KCNIP1: variants seen among roughly 807,000 people sequenced by gnomAD.
The protein encoded by KCNIP1 is potassium voltage-gated channel interacting protein 1.
Under a neutral mutation model 33.0 loss-of-function variants are expected in KCNIP1, and 18 were observed. The observed-to-expected ratio is 0.55, with a 90% CI of 0.38 to 0.81. The LOEUF is 0.81. KCNIP1 is among the 30% of genes least tolerant of loss of function. KCNIP1 has a pLI of 0.00. For missense variants in KCNIP1, 238 were observed against 271.6 expected, an observed-to-expected ratio of 0.88 and a Z score of 0.87; for synonymous variants, 93 against 98.3, an observed-to-expected ratio of 0.95 and a Z score of 0.32.
chr5:170,696,611 T>A (rs1173681175), intron 1 of KCNIP1, among the ~76,000 whole-genome samples: 1 of 152,026 alleles, frequency 6.6e-6, no homozygotes, highest in African/African-American at 2.4e-5. Context: ...GTAGTCCAGA[T>A]AAACAGAGCC....
intron 5 of KCNIP1, among the ~76,000 whole-genome samples, chr5:170,727,770 C>T (rs1481566477): frequency 6.6e-6 from 1 of 151,998 alleles, no homozygotes; most frequent in Admixed American, 6.6e-5. Context: ...GAGCCTGTCT[C>T]TTCAAAACAA....
At chr5:170,507,514 T>C (rs1252688750) in intron 1 of KCNIP1, among the ~76,000 whole-genome samples, 1 of 152,174 alleles carries the variant, frequency 6.6e-6, no homozygotes, top group Non-Finnish European at 1.5e-5. Context: ...AGCTCATTTC[T>C]GGAAACCTTA....
At chr5:170,684,032 C>T (rs553159174) in intron 1 of KCNIP1, among the ~76,000 whole-genome samples, 2 of 152,182 alleles carry the variant, frequency 1.3e-5, no homozygotes, top group East Asian at 3.9e-4. Flanking sequence ...GCTGGGATTA[C>T]AGGCATGAGC....
At chr5:170,458,644 A>G (rs971951455) in intron 1 of KCNIP1, among the ~76,000 whole-genome samples, 2 of 152,230 alleles carry the variant, frequency 1.3e-5, no homozygotes, top group Non-Finnish European at 2.9e-5. Context: ...AGATAAACAA[A>G]TGCTGAGAGA....
Position 170,557,605 on chromosome 5 carries a change from G to A in KCNIP1, c.61+52972G>A, listed in dbSNP as rs149191494. 6.1e-3 allele frequency among the ~76,000 whole-genome samples: 924 copies of A among 152,286 alleles called. 15 individuals are homozygous for A. Among genetic ancestry groups the A allele is most frequent in the African/African-American group, 0.021 (864 of 41,566 alleles). On this transcript the variant is annotated intron_variant, in intron 1 of 7. Coordinates refer to ENST00000328939, the MANE Select transcript of KCNIP1 (RefSeq NM_014592.4). The stretch of plus-strand genomic sequence containing the variant: ...AGGATGGTCAGATAGTGCCAGTGGA[G>A]AGCAGGGAAGGCCTCGTGGACAACA...
At chr5:170,379,813 G>A (rs1019859447) in intron 1 of KCNIP1, among the ~76,000 whole-genome samples, 1 of 152,024 alleles carries the variant, frequency 6.6e-6, no homozygotes, top group East Asian at 1.9e-4. Flanking sequence ...ATCCAGGTGG[G>A]CATGGTGGTG....
intron 1 of KCNIP1, among the ~76,000 whole-genome samples, chr5:170,647,847 G>A (rs1251965933): frequency 3.3e-5 from 5 of 152,062 alleles, no homozygotes; most frequent in Non-Finnish European, 7.4e-5. Context: ...ATAAGCCACA[G>A]ACTGGGAAAA....
chr5:170,365,528 G>A (rs760909123), intron 1 of KCNIP1, among the ~76,000 whole-genome samples: 4 of 152,180 alleles, frequency 2.6e-5, no homozygotes, highest in African/African-American at 7.2e-5. Context: ...GGAACCTGCC[G>A]CTGGGAAAGG....
intron 1 of KCNIP1, among the ~76,000 whole-genome samples, chr5:170,490,242 C>T (rs1273643147): frequency 6.6e-6 from 1 of 152,236 alleles, no homozygotes; most frequent in Non-Finnish European, 1.5e-5. Context: ...CTACTTTGTT[C>T]TAAGGCCTCT....
At position 170,597,446 on chromosome 5, in the gene KCNIP1, G is replaced by T. The variant is rs77499207; in HGVS notation, c.61+92813G>T. Reference sequence around the variant, plus strand: ...CCTTTATCTGTGCTTGCAAAGAGGCGTCTCCCTCCATGCCAGCCAACCCAC... The same window carrying T: ...CCTTTATCTGTGCTTGCAAAGAGGCTTCTCCCTCCATGCCAGCCAACCCAC... On this transcript the variant is annotated intron_variant, in intron 1 of 7. Coordinates refer to ENST00000328939, the MANE Select transcript of KCNIP1 (RefSeq NM_014592.4). 9.9e-3 allele frequency among the ~76,000 whole-genome samples: 1,500 copies of T among 152,104 alleles called. 25 individuals carry two copies. The highest frequency in any genetic ancestry group is 0.034 in the African/African-American group (1,400 of 41,438).
At chr5:170,540,638 C>A (rs1756164970) in intron 1 of KCNIP1, among the ~76,000 whole-genome samples, 1 of 152,190 alleles carries the variant, frequency 6.6e-6, no homozygotes, top group Non-Finnish European at 1.5e-5. Context: ...ATGCAGGATG[C>A]ACTGTGGCCC....
At chr5:170,518,971 G>A (rs1376522108) in intron 1 of KCNIP1, among the ~76,000 whole-genome samples, 1 of 152,178 alleles carries the variant, frequency 6.6e-6, no homozygotes, top group Non-Finnish European at 1.5e-5. Context: ...GATTACAGAA[G>A]TGATTTCAGG....
At chr5:170,577,900 G>A (rs957114329) in intron 1 of KCNIP1, among the ~76,000 whole-genome samples, 2 of 152,124 alleles carry the variant, frequency 1.3e-5, no homozygotes, top group Admixed American at 6.5e-5. Flanking sequence ...TCCATGTGAC[G>A]AATTTTTTAA....
intron 1 of KCNIP1, among the ~76,000 whole-genome samples, chr5:170,620,755 G>A (rs1759569889): frequency 6.6e-6 from 1 of 152,174 alleles, no homozygotes; most frequent in African/African-American, 2.4e-5. Flanking sequence ...AATCCACTGG[G>A]AGCATGTCAA....
At chr5:170,380,154 A>T (rs377578634) in intron 1 of KCNIP1, among the ~76,000 whole-genome samples, 3 of 152,300 alleles carry the variant, frequency 2.0e-5, no homozygotes, top group African/African-American at 2.4e-5. Flanking sequence ...TGTTATTAGG[A>T]ACTTTCTGCC....
At chr5:170,434,271 C>T (rs576528689) in intron 1 of KCNIP1, among the ~76,000 whole-genome samples, 136 of 152,220 alleles carry the variant, frequency 8.9e-4, no homozygotes, top group East Asian at 1.3e-3. Context: ...TACGCATGTA[C>T]GCATATACAT....
intron 1 of KCNIP1, among the ~76,000 whole-genome samples, chr5:170,398,434 G>A (rs903279206): frequency 3.9e-5 from 6 of 152,174 alleles, no homozygotes; most frequent in African/African-American, 1.4e-4. Context: ...GCTGGTAGAG[G>A]AGACTGGTTA....
At chr5:170,384,013 C>A (rs1029196829) in intron 1 of KCNIP1, among the ~76,000 whole-genome samples, 11 of 152,192 alleles carry the variant, frequency 7.2e-5, no homozygotes, top group Non-Finnish European at 1.3e-4. Flanking sequence ...ACCCCACAGT[C>A]CCCGGACACA....
chr5:170,507,552 A>G (rs914154969), intron 1 of KCNIP1, among the ~76,000 whole-genome samples: 36 of 152,352 alleles, frequency 2.4e-4, no homozygotes, highest in Admixed American at 9.8e-4. Flanking sequence ...AACTAGGACC[A>G]AAAACCCCAG....
Sources: allele counts gnomAD v4.1 joint callset (sites outside exome capture counted in the v4.1 genomes callset), GRCh38; gene constraint gnomAD v4.1.1; transcripts MANE v1.5; gene names NCBI Gene and HGNC (gene_info 2026-07-23, HGNC 2026-07-21).